NOTCH3: variants seen among roughly 807,000 people sequenced by gnomAD.
NOTCH3 encodes notch receptor 3.
NOTCH3 carries 86 observed loss-of-function variants against 213.3 expected under a neutral mutation model. That is an observed-to-expected ratio of 0.40 (90% CI 0.34 to 0.48). The LOEUF is 0.48. NOTCH3 is among the 20% of genes least tolerant of loss of function. NOTCH3 has a pLI of 0.57. For missense variants in NOTCH3, 2,783 were observed against 3,272.6 expected (o/e 0.85, Z 3.65); for synonymous variants, 1,354 against 1,355.9 (o/e 1.00, Z 0.03).
In NOTCH3 at chr19:15,181,712, G is replaced by T; in HGVS notation, c.2656C>A (p.Arg886Ser). The T allele has an allele frequency of 6.4e-7, 1 of 1,568,822 alleles. No individual in the cohort carries two copies. The highest frequency in any genetic ancestry group is 1.2e-5 in the South Asian group (1 of 85,486). The part of the protein sequence containing the change: ...LPGFAGPRCA[R>S]DVDECLSNPC... ...TTGCTCAGGCACTCATCCACATCGC[G>T]GGCGCATCGTGGGCCGGCGAAACCA... The change falls in exon 17 of 33, where the codon CGC (arginine) becomes AGC (serine). Residue 886 changes from arginine to serine, a missense_variant. Coordinates refer to ENST00000263388, the MANE Select transcript of NOTCH3 (RefSeq NM_000435.3).
chr19:15,161,982 C>CTTTTTTT (rs71168583), intron 32 of NOTCH3, among the ~76,000 whole-genome samples: 23 of 114,712 alleles, frequency 2.0e-4, no homozygotes, highest in Non-Finnish European at 3.5e-4. Flanking sequence ...TTTTTCTTGT[C>CTTTTTTT]TTTTTTTTTT....
Position 15,165,987 on chromosome 19 carries a change from C to T in NOTCH3, c.5467G>A (p.Asp1823Asn), listed in dbSNP as rs763602970. The T allele has an allele frequency of 1.1e-5, 17 of 1,614,066 alleles. No homozygotes were observed. In the African/African-American group the frequency reaches 1.6e-4, roughly 15 times the overall value. The change falls in exon 30 of 33, where the codon GAC (aspartate) becomes AAC (asparagine). Residue 1823 changes from aspartate to asparagine, a missense_variant. By Grantham distance (23) the Asp-to-Asn change is conservative (BLOSUM62 1). Transcript: ENST00000263388. This position sits in a 1 kb window ranked among gnomAD's most constrained non-coding sequence, Gnocchi z 4.7. The part of the protein sequence containing the change: ...ADDTSASIIS[D>N]LICQGAQLGA... ...AGCTGAGCCCCCTGGCAGATCAGGT[C>T]GGAGATGATGCTAGCTGATGTGTCA...
chr19:15,160,701 G>A lies in NOTCH3; in HGVS notation c.6927C>T (p.Pro2309=), dbSNP rs760130661. 5 of 1,614,184 alleles carry A rather than the reference G, an allele frequency of 3.1e-6. No homozygotes were observed. The highest frequency in any genetic ancestry group is 3.3e-5 in the Admixed American group (2 of 60,018). The change falls in exon 33 of 33, where the codon CCC becomes CCT. Residue 2309 remains proline, a synonymous_variant. Transcript: ENST00000263388. ...GCCTCTTGGGGGTAACTTCCGGCTG[G>A]GGCCCCAGCTGGGTCTGGGCCTGAG... ...SLAQAQTQLG[P]QPEVTPKRQV... is the part of the protein sequence containing the mutation.
intron 2 of NOTCH3, among the ~76,000 whole-genome samples, chr19:15,195,036 G>A (rs965835104): frequency 1.3e-5 from 2 of 151,540 alleles, no homozygotes; most frequent in African/African-American, 4.9e-5. Flanking sequence ...ACACAGACAG[G>A]CCCAGAAACC....
At chr19:15,169,117 G>T (rs2046708539) in intron 28 of NOTCH3, among the ~76,000 whole-genome samples, 1 of 151,458 alleles carries the variant, frequency 6.6e-6, no homozygotes, top group African/African-American at 2.4e-5. Flanking sequence ...GTTATATGAG[G>T]TTATAAATGT....
In NOTCH3 at chr19:15,188,533, A is replaced by G. The variant is rs1187171900; in HGVS notation, c.1379-185T>C. 5.9e-5 allele frequency among the ~76,000 whole-genome samples: 9 copies of G among 151,984 alleles called. No individual in the cohort carries two copies. The East Asian group carries it at 1.7e-3, about 29-fold the overall frequency. ...GGACTGTCACCCAGCCGTGGTCCCAACTGGCCCAAGGCTCATGGGTGTCCG... is the reference window on the plus strand; with the variant it reads ...GGACTGTCACCCAGCCGTGGTCCCAGCTGGCCCAAGGCTCATGGGTGTCCG... On this transcript the variant is annotated intron_variant, in intron 8 of 32. Transcript: ENST00000263388.
chr19:15,174,102 G>T lies in NOTCH3; in HGVS notation c.4702C>A (p.Arg1568=). Reference sequence around the variant, plus strand: ...TCGGGGGCCAGCTCCCGACGGGCCCGGGGTTCGGAGCCAGGACTAGGCCGG... The same window carrying T: ...TCGGGGGCCAGCTCCCGACGGGCCCTGGGTTCGGAGCCAGGACTAGGCCGG... ...YHRPSPGSEP[R]ARRELAPEVI... is the part of the protein sequence containing the mutation. The change falls in exon 25 of 33, where the codon CGG becomes AGG. Residue 1568 remains arginine, a synonymous_variant. Coordinates refer to ENST00000263388, the MANE Select transcript of NOTCH3 (RefSeq NM_000435.3). 2 of 1,592,784 alleles carry T rather than the reference G, an allele frequency of 1.3e-6. No homozygotes were observed. Among genetic ancestry groups the T allele is most frequent in the Non-Finnish European group, 1.7e-6 (2 of 1,165,600 alleles).
At position 15,179,098 on chromosome 19, in the gene NOTCH3, G is replaced by A. The variant is rs773203358; in HGVS notation, c.3645C>T (p.His1215=). 7.4e-5 allele frequency: 120 copies of A among 1,614,202 alleles called. No homozygotes were observed. The highest frequency in any genetic ancestry group is 1.3e-5 in the African/African-American group (1 of 75,070). Residue 1215 remains histidine (H), a synonymous_variant, in exon 22 of 33, where the codon CAC becomes CAT. Transcript: ENST00000263388. Reference sequence around the variant, plus strand: ...GCAGGCAGTCCCGGGTGTGTGCCGCGTGGCAGGCACCTGAGCGACACTCAT... The same window carrying A: ...GCAGGCAGTCCCGGGTGTGTGCCGCATGGCAGGCACCTGAGCGACACTCAT... ...DINECRSGAC[H]AAHTRDCLQD... is the part of the protein sequence containing the mutation.
chr19:15,189,134 C>A lies in NOTCH3; in HGVS notation c.1233G>T (p.Thr411=), dbSNP rs779466837. 1 of 1,613,382 alleles carries A rather than the reference C, an allele frequency of 6.2e-7. No homozygotes were observed. Among genetic ancestry groups the A allele is most frequent in the Non-Finnish European group, 8.5e-7 (1 of 1,180,036 alleles). ...CGCACTGGCACAGGAAGGAGCCCTG[C>A]GTGTTCACGCACCTGCCCAAGTGCT... The part of the protein sequence containing the change: ...PCEHLGRCVN[T]QGSFLCQCGR... Residue 411 remains threonine (T), a synonymous_variant, in exon 8 of 33, where the codon ACG becomes ACT. Coordinates refer to ENST00000263388, the MANE Select transcript of NOTCH3 (RefSeq NM_000435.3).
In NOTCH3 at chr19:15,181,695, G is replaced by A; in HGVS notation, c.2673C>T (p.Cys891=). 6.4e-7 allele frequency: 1 copy of A among 1,563,712 alleles called. No individual in the cohort carries two copies. Among genetic ancestry groups the A allele is most frequent in the East Asian group, 2.4e-5 (1 of 42,068 alleles). Residue 891 remains cysteine, a synonymous_variant, in exon 17 of 33, where the codon TGC becomes TGT. Transcript: ENST00000263388. The stretch of plus-strand genomic sequence containing the variant: ...TGCCCGGGCCGCAGGGGTTGCTCAG[G>A]CACTCATCCACATCGCGGGCGCATC... ...GPRCARDVDE[C]LSNPCGPGTC... is the part of the protein sequence containing the mutation.
intron 1 of NOTCH3, among the ~76,000 whole-genome samples, chr19:15,200,528 CT>C (rs1310190197): frequency 6.6e-6 from 1 of 152,058 alleles, no homozygotes; most frequent in African/African-American, 2.4e-5. Flanking sequence ...ATCCCCGCAC[CT>C]CGAGCTCCCA....
Position 15,170,526 on chromosome 19 carries a change from C to G in NOTCH3, c.4919G>C (p.Ser1640Thr). The change falls in exon 27 of 33, where the codon AGC (serine) becomes ACC (threonine). Residue 1640 changes from serine to threonine, a missense_variant. Ser to Thr is a moderately conservative substitution (Grantham distance 58, BLOSUM62 1). This residue lies in a region of NOTCH3 where 636 missense variants were observed against 801.8 expected (regional missense o/e 0.79). Coordinates refer to ENST00000263388, the MANE Select transcript of NOTCH3 (RefSeq NM_000435.3). ...RGEPLEPPEP[S>T]VPLLPLLVAG... ...CACTAGCAGTGGCAGCAGCGGGACGCTGGGTTCTGGAGGCTCCAGCGGCTC... is the reference window on the plus strand; with the variant it reads ...CACTAGCAGTGGCAGCAGCGGGACGGTGGGTTCTGGAGGCTCCAGCGGCTC... The G allele has an allele frequency of 6.2e-7, 1 of 1,610,152 alleles. No individual in the cohort carries two copies. The highest frequency in any genetic ancestry group is 8.5e-7 in the Non-Finnish European group (1 of 1,179,910).
Position 15,185,294 on chromosome 19 carries a change from T to C in NOTCH3, c.2259A>G (p.Gly753=). ...CRAGGTCSSD[G]MGFHCTCPPG... is the part of the protein sequence containing the mutation. ...GCGGGCAGGTGCAGTGGAAACCCAT[T>C]CCATCGCTGCTGCATGTCCCACCGG... is the stretch of plus-strand genomic sequence containing the variant. The change falls in exon 14 of 33, where the codon GGA becomes GGG. Residue 753 remains glycine (G), a synonymous_variant. Transcript: ENST00000263388. This position sits in a 1 kb window ranked among gnomAD's most constrained non-coding sequence, Gnocchi z 4.2. The C allele has an allele frequency of 2.5e-6, 4 of 1,612,902 alleles. No individual in the cohort carries two copies. The highest frequency in any genetic ancestry group is 3.4e-6 in the Non-Finnish European group (4 of 1,179,946).
intron 27 of NOTCH3, 79 bp from the exon 28 acceptor site, chr19:15,170,249 A>C: frequency 1.3e-6 from 2 of 1,508,600 alleles, no homozygotes; most frequent in Middle Eastern, 1.7e-4. Flanking sequence ...GGGTGGGGTC[A>C]GAGGTCTGAG....
rs1367302020 is a variant in NOTCH3 at position 15,187,966 on chromosome 19, G to T, written c.1521C>A (p.Asp507Glu). The T allele has an allele frequency of 4.5e-6, 7 of 1,550,934 alleles. No individual in the cohort carries two copies. The East Asian group carries it at 1.7e-4, about 38-fold the overall frequency. The stretch of plus-strand genomic sequence containing the variant: ...AGGGCGTGCTGGCGCATTCGTCCAC[G>T]TCCAGCTGACACGTGGAGCCGCTGA... Reference protein sequence around the residue: ...SGFSGSTCQLDVDECASTPCR... With the variant: ...SGFSGSTCQLEVDECASTPCR... The change falls in exon 10 of 33, where the codon GAC (aspartate) becomes GAA (glutamate). Residue 507 changes from aspartate to glutamate, a missense_variant. Asp to Glu is a conservative substitution (Grantham distance 45, BLOSUM62 2). Around this residue, in one of 6 missense-constraint regions of NOTCH3, gnomAD observed 708 missense variants for 906.6 expected, o/e 0.78. Transcript: ENST00000263388.
At chr19:15,173,156 T>C in intron 25 of NOTCH3, among the ~76,000 whole-genome samples, 1 of 130,734 alleles carries the variant, frequency 7.6e-6, no homozygotes, top group Non-Finnish European at 1.6e-5. Context: ...GCATGGTGGC[T>C]CACGCCTGTA....
At chr19:15,184,564 G>A (rs902224361) in intron 15 of NOTCH3, 114 bp from the exon 16 acceptor site, 15 of 1,017,974 alleles carry the variant, frequency 1.5e-5, no homozygotes, top group East Asian at 5.0e-5. Flanking sequence ...AAAATAAGCC[G>A]TGCTGTCATT....
chr19:15,170,343 G>A lies in NOTCH3; in HGVS notation c.5102C>T (p.Ala1701Val). 1 of 1,613,048 alleles carries A rather than the reference G, an allele frequency of 6.2e-7. No individual in the cohort carries two copies. Among genetic ancestry groups the A allele is most frequent in the Non-Finnish European group, 8.5e-7 (1 of 1,179,706 alleles). ...KGRREPVGQDALGMKNMAKGE... is the reference protein window; with the variant it reads ...KGRREPVGQDVLGMKNMAKGE... ...GCAGGGTTCTCACTTCATGCCCAGC[G>A]CGTCCTGGCCCACGGGTTCCCGCCG... The change falls in exon 27 of 33, where the codon GCG becomes GTG. Residue 1701 changes from alanine to valine, a missense_variant. Ala to Val is a moderately conservative substitution (Grantham distance 64). Around this residue, in one of 6 missense-constraint regions of NOTCH3, gnomAD observed 636 missense variants for 801.8 expected, o/e 0.79. Transcript: ENST00000263388.
At chr19:15,163,345 C>T (rs1224438398) in intron 31 of NOTCH3, among the ~76,000 whole-genome samples, 4 of 152,220 alleles carry the variant, frequency 2.6e-5, no homozygotes, top group Non-Finnish European at 4.4e-5. Flanking sequence ...CTACCTCACA[C>T]TTTATACAAA....
Sources: gnomAD v4.1 joint callset for allele counts (sites outside exome capture counted in the v4.1 genomes callset) on GRCh38, gnomAD v4.1.1 for gene constraint, gnomAD v4.1.1 regional missense constraint, Gnocchi (gnomAD v3.1) non-coding constraint, MANE v1.5 for transcripts, NCBI Gene and HGNC (gene_info 2026-07-23, HGNC 2026-07-21) for gene names.